CAMK1: variants seen among roughly 807,000 people sequenced by gnomAD.
CAMK1 encodes the protein calcium/calmodulin-dependent protein kinase type 1.
A neutral mutation model predicts 49.1 loss-of-function variants in CAMK1; 39 were observed. The observed-to-expected ratio is 0.79, with a 90% CI of 0.62 to 1.04. The LOEUF is 1.04. CAMK1 is among the 50% of genes least tolerant of loss of function. The probability of loss-of-function intolerance (pLI) is 0.00; values close to 1 mark genes in which losing one functional copy is unlikely to be tolerated. For synonymous variants in CAMK1, 192 were observed against 185.2 expected (o/e 1.04, Z -0.30); for missense variants, 457 against 472.2 (o/e 0.97, Z 0.30).
intron 8 of CAMK1, 69 bp from the exon 9 acceptor site, chr3:9,759,819 C>T: frequency 2.5e-6 from 4 of 1,612,952 alleles, no homozygotes; most frequent in Non-Finnish European, 3.4e-6. Context: ...CAAGAGCATA[C>T]CCACTCCCTC....
At chr3:9,761,010 C>T in intron 7 of CAMK1, 1 of 499,156 alleles carries the variant, frequency 2.0e-6, no homozygotes, top group Non-Finnish European at 3.6e-6. Flanking sequence ...CTATGCCACT[C>T]TTTCCCCACA....
At position 9,757,480 on chromosome 3, in the gene CAMK1, G is replaced by A. The variant is rs772807247; in HGVS notation, c.*59C>T. 5 of 1,603,396 alleles carry A rather than the reference G, an allele frequency of 3.1e-6. No individual in the cohort carries two copies. The highest frequency in any genetic ancestry group is 2.6e-6 in the Non-Finnish European group (3 of 1,173,060). On this transcript the variant is annotated 3_prime_UTR_variant, in exon 12 of 12. Transcript: ENST00000256460. This position sits in a 1 kb window ranked among gnomAD's most constrained non-coding sequence, Gnocchi z 4.5. Reference sequence around the variant, plus strand: ...GAAACTCCCGGTTCAGGGAGGGAAGGGGAGCAGGCTGCCCCCAAGCCCTCC... The same window carrying A: ...GAAACTCCCGGTTCAGGGAGGGAAGAGGAGCAGGCTGCCCCCAAGCCCTCC...
intron 1 of CAMK1, among the ~76,000 whole-genome samples, chr3:9,769,137 A>G (rs1361766286): frequency 6.6e-6 from 1 of 151,916 alleles, no homozygotes; most frequent in East Asian, 1.9e-4. Flanking sequence ...AGTGCCCCAG[A>G]CAGCCCTGCA....
intron 6 of CAMK1, 38 bp from the exon 7 acceptor site, chr3:9,761,574 G>T: frequency 6.2e-7 from 1 of 1,613,202 alleles, no homozygotes; most frequent in South Asian, 1.1e-5. Context: ...ACAAATCTCT[G>T]CCCTTCAACT....
At chr3:9,765,299 A>C (rs1384819161) in intron 3 of CAMK1, among the ~76,000 whole-genome samples, 1 of 152,040 alleles carries the variant, frequency 6.6e-6, no homozygotes, top group East Asian at 1.9e-4. Flanking sequence ...ATTCTCTGTA[A>C]GTTTTCCAGT....
At chr3:9,769,348 T>C (rs969741451) in intron 1 of CAMK1, among the ~76,000 whole-genome samples, 5 of 151,826 alleles carry the variant, frequency 3.3e-5, no homozygotes, top group Non-Finnish European at 7.4e-5. Flanking sequence ...CCCCAAGTCC[T>C]TACACACCTA....
At position 9,757,974 on chromosome 3, in the gene CAMK1, C is replaced by A; in HGVS notation, c.913-128G>T. 1 of 1,436,452 alleles carries A rather than the reference C, an allele frequency of 7.0e-7. No individual in the cohort carries two copies. The highest frequency in any genetic ancestry group is 9.2e-7 in the Non-Finnish European group (1 of 1,088,200). 89.0% of individuals were successfully genotyped at this position (1,436,452 alleles called of 1,614,324 possible). Reference sequence around the variant, plus strand: ...TCATTCAGGAGTTATTTTATTAATTCCCCTAAAGCCCCCCAAAAACCTCTA... The same window carrying A: ...TCATTCAGGAGTTATTTTATTAATTACCCTAAAGCCCCCCAAAAACCTCTA... On this transcript the variant is annotated intron_variant, in intron 10 of 11. Transcript: ENST00000256460. This position sits in a 1 kb window ranked among gnomAD's most constrained non-coding sequence, Gnocchi z 4.5.
Position 9,766,625 on chromosome 3 carries a change from G to A in CAMK1, c.84-735C>T, listed in dbSNP as rs546428094. 69 of 1,045,534 alleles carry A rather than the reference G, an allele frequency of 6.6e-5. No homozygotes were observed. In the East Asian group the frequency reaches 4.5e-3, roughly 67 times the overall value. 64.8% of individuals were successfully genotyped at this position (1,045,534 alleles called of 1,614,324 possible). A position where few individuals can be genotyped will look rare whatever the true frequency, so the allele number is the denominator to read the frequency against. ...GTGTTTTAGAACAGGTTCTTAAAAA[G>A]GAACAAATAAACTCATTTAACTAAA... On this transcript the variant is annotated intron_variant, in intron 2 of 11. Transcript: ENST00000256460.
chr3:9,765,682 C>T, intron 3 of CAMK1, 77 bp downstream of exon 3: 1 of 1,525,562 alleles, frequency 6.6e-7, no homozygotes, highest in Non-Finnish European at 9.0e-7. Flanking sequence ...AATGATTTGT[C>T]CAAAGCAGGA....
At position 9,761,884 on chromosome 3, in the gene CAMK1, CAT is replaced by C. The variant is rs1311983155; in HGVS notation, c.430-129_430-128del. ...AAAGCCACTGTGGCTTCATGGCTGT[CAT>C]AAGAAAATCAAGGAAGCTCTCAAGA... On this transcript the variant is annotated intron_variant, in intron 5 of 11. Transcript: ENST00000256460. 5.6e-6 allele frequency: 8 copies of C among 1,419,340 alleles called. No homozygotes were observed. The East Asian group carries it at 1.9e-4, about 34-fold the overall frequency. The allele number at this position is 1,419,340 out of a possible 1,614,324, so 87.9% of individuals were successfully genotyped here.
chr3:9,763,369 A>G, intron 3 of CAMK1, 156 bp from the exon 4 acceptor site: 1 of 276,018 alleles, frequency 3.6e-6, no homozygotes, highest in Non-Finnish European at 5.4e-6. Context: ...TAGCCACTGC[A>G]CTCCAGCCTG....
chr3:9,765,759 T>C lies in CAMK1; in HGVS notation c.215A>G (p.Lys72Arg), dbSNP rs1683929589. ...SMENEIAVLH[K>R]IKHPNIVALD... Reference sequence around the variant, plus strand: ...CAGGGAAAGGCTGTGGCCCACGCACTTGTGCAGGACAGCAATCTCATTCTC... The same window carrying C: ...CAGGGAAAGGCTGTGGCCCACGCACCTGTGCAGGACAGCAATCTCATTCTC... Residue 72 changes from lysine (K) to arginine (R), a missense_variant and splice_region_variant, in exon 3 of 12, where the codon AAG (lysine) becomes AGG (arginine). By Grantham distance (26) the Lys-to-Arg change is conservative (BLOSUM62 2). Coordinates refer to ENST00000256460, the MANE Select transcript of CAMK1 (RefSeq NM_003656.5). The C allele has an allele frequency of 6.2e-7, 1 of 1,613,806 alleles. No individual in the cohort carries two copies.
At chr3:9,766,590 T>G (rs558948949) in intron 2 of CAMK1, 1 of 1,004,332 alleles carries the variant, frequency 1.0e-6, no homozygotes, top group East Asian at 7.0e-5. Context: ...TCATTGAACT[T>G]TAAGAAGCAG....
At position 9,761,672 on chromosome 3, in the gene CAMK1, C is replaced by T; in HGVS notation, c.515G>A (p.Gly172Asp). ...DFGLSKMEDP[G>D]SVLSTACGTP... is the part of the protein sequence containing the mutation. ...TCCACAGGCGGTGGAGAGCACACTG[C>T]CCGGGTCCTCCATCTTGGAGAGGCC... The change falls in exon 6 of 12, where the codon GGC becomes GAC. Residue 172 changes from glycine (G) to aspartate (D), a missense_variant. Transcript: ENST00000256460. 4 of 1,614,156 alleles carry T rather than the reference C, an allele frequency of 2.5e-6. No individual in the cohort carries two copies. The highest frequency in any genetic ancestry group is 3.4e-6 in the Non-Finnish European group (4 of 1,180,026).
rs58316186 is a variant in CAMK1 at position 9,764,857 on chromosome 3, T to C, written c.215+902A>G. On this transcript the variant is annotated intron_variant, in intron 3 of 11. Coordinates refer to ENST00000256460, the MANE Select transcript of CAMK1 (RefSeq NM_003656.5). ...GTGTTGGTCAGGCGATAATTGATCT[T>C]GATGATGAGGAAGGCTCAGCTCTGC... Among the ~76,000 whole-genome samples, 649 of 152,090 alleles carry C rather than the reference T, an allele frequency of 4.3e-3. 4 individuals carry two copies. Among genetic ancestry groups the C allele is most frequent in the African/African-American group, 0.015 (624 of 41,510 alleles).
chr3:9,763,917 C>T (rs370816311), intron 3 of CAMK1, among the ~76,000 whole-genome samples: 14 of 152,208 alleles, frequency 9.2e-5, no homozygotes, highest in East Asian at 5.8e-4. Flanking sequence ...ACCTGGGAAA[C>T]GGAGGTTGCA....
At chr3:9,766,709 G>A in intron 2 of CAMK1, 1 of 865,650 alleles carries the variant, frequency 1.2e-6, no homozygotes, top group Non-Finnish European at 1.4e-6. Flanking sequence ...TGCTTTCTCT[G>A]GGAGAATAAG....
intron 2 of CAMK1, chr3:9,766,179 A>G (rs1411149511): frequency 3.5e-6 from 3 of 846,852 alleles, no homozygotes; most frequent in East Asian, 5.3e-5. Context: ...GCCTGGAGCT[A>G]ATGGCGATCA....
intron 1 of CAMK1, among the ~76,000 whole-genome samples, chr3:9,769,317 G>A (rs999781338): frequency 3.3e-5 from 5 of 151,832 alleles, no homozygotes; most frequent in African/African-American, 1.2e-4. Flanking sequence ...TCCCCTGGAA[G>A]CTCCTGTATT....
Sources: gnomAD v4.1 joint callset for allele counts (sites outside exome capture counted in the v4.1 genomes callset) on GRCh38, gnomAD v4.1.1 for gene constraint, Gnocchi (gnomAD v3.1) non-coding constraint, MANE v1.5 for transcripts, NCBI Gene and HGNC (gene_info 2026-07-23, HGNC 2026-07-21) for gene names.